ALDH1A2: variants seen among roughly 807,000 people sequenced by gnomAD.
The protein encoded by ALDH1A2 is retinal dehydrogenase 2.
ALDH1A2 carries 27 observed loss-of-function variants against 60.3 expected under a neutral mutation model. That is an observed-to-expected ratio of 0.45 (90% CI 0.33 to 0.62). ALDH1A2 has a LOEUF of 0.62. ALDH1A2 is among the 20% of genes least tolerant of loss of function. The probability of loss-of-function intolerance (pLI) is 0.02; values close to 1 mark genes in which losing one functional copy is unlikely to be tolerated. For missense variants in ALDH1A2, 581 were observed against 643.8 expected, an observed-to-expected ratio of 0.90 and a Z score of 1.06; for synonymous variants, 289 against 232.4, an observed-to-expected ratio of 1.24 and a Z score of -2.21.
intron 7 of ALDH1A2, among the ~76,000 whole-genome samples, chr15:57,969,551 T>C: frequency 6.6e-6 from 1 of 152,108 alleles, no homozygotes; most frequent in Middle Eastern, 3.2e-3. Flanking sequence ...GACCAGAAGG[T>C]GGGAGTGCAC....
At chr15:58,011,444 A>G (rs1474286678) in intron 3 of ALDH1A2, among the ~76,000 whole-genome samples, 1 of 152,244 alleles carries the variant, frequency 6.6e-6, no homozygotes, top group African/African-American at 2.4e-5. Context: ...TATTTTAACG[A>G]CATGTTCCTG....
At chr15:58,031,938 T>C (rs1220946938) in intron 1 of ALDH1A2, among the ~76,000 whole-genome samples, 1 of 152,154 alleles carries the variant, frequency 6.6e-6, no homozygotes, top group African/African-American at 2.4e-5. Context: ...ATTGTGGAAG[T>C]CAGCGTGGCG....
chr15:57,965,471 C>A (rs149791747), intron 8 of ALDH1A2, among the ~76,000 whole-genome samples: 3 of 152,196 alleles, frequency 2.0e-5, no homozygotes, highest in Non-Finnish European at 4.4e-5. Flanking sequence ...ACTGACCAAG[C>A]CTTCATCTCA....
intron 9 of ALDH1A2, 100 bp from the exon 10 acceptor site, chr15:57,962,276 T>A (rs1236339325): frequency 1.1e-5 from 16 of 1,419,470 alleles, no homozygotes; most frequent in African/African-American, 9.9e-5. Context: ...TTTTTCAAAG[T>A]TTAACTACAC....
chr15:57,979,327 T>C (rs2140472247), intron 7 of ALDH1A2, among the ~76,000 whole-genome samples: 1 of 152,322 alleles, frequency 6.6e-6, no homozygotes, highest in South Asian at 2.1e-4. Flanking sequence ...CCTGAAACTT[T>C]TGCGGGTATA....
At chr15:57,965,659 G>T in intron 8 of ALDH1A2, 66 bp downstream of exon 8, 1 of 1,136,788 alleles carries the variant, frequency 8.8e-7, no homozygotes, top group Non-Finnish European at 1.3e-6. Context: ...CATCAAAAGT[G>T]GAGATATAAA....
chr15:58,042,578 T>C (rs1449731936), intron 1 of ALDH1A2, among the ~76,000 whole-genome samples: 1 of 151,984 alleles, frequency 6.6e-6, no homozygotes, highest in African/African-American at 2.4e-5. Flanking sequence ...CTTGAAATCC[T>C]AGAATCACTT....
chr15:57,955,942 CTCT>C (rs1463689606), intron 12 of ALDH1A2, among the ~76,000 whole-genome samples: 2 of 152,082 alleles, frequency 1.3e-5, no homozygotes, highest in Admixed American at 6.6e-5. Context: ...TCTTTTTCTT[CTCT>C]TCTTCTGAAA....
rs111238576 is a variant in ALDH1A2 at position 58,013,246 on chromosome 15, T to C, written c.363+612A>G. On this transcript the variant is annotated intron_variant, in intron 3 of 12. Coordinates refer to ENST00000249750, the MANE Select transcript of ALDH1A2 (RefSeq NM_003888.4). ...TTAACTCTGGGGAGGTAAAAACTTG[T>C]TCTATTTCATTCTCATAAGAATCAT... is the stretch of plus-strand genomic sequence containing the variant. 5.9e-5 allele frequency among the ~76,000 whole-genome samples: 9 copies of C among 152,296 alleles called. 1 individual carries two copies. The highest frequency in any genetic ancestry group is 2.2e-4 in the African/African-American group (9 of 41,586).
chr15:57,996,878 A>G (rs943758599), intron 4 of ALDH1A2, among the ~76,000 whole-genome samples: 9 of 152,008 alleles, frequency 5.9e-5, no homozygotes, highest in African/African-American at 1.7e-4. Context: ...GTTTTGATTT[A>G]TGTTTAATGA....
At chr15:58,023,140 A>AT (rs570542877) in intron 1 of ALDH1A2, among the ~76,000 whole-genome samples, 15 of 152,050 alleles carry the variant, frequency 9.9e-5, no homozygotes, top group East Asian at 7.7e-4. Context: ...AAAGAGATAA[A>AT]TTTTTTTTTA....
chr15:57,977,667 T>C (rs1282716198), intron 7 of ALDH1A2, among the ~76,000 whole-genome samples: 1 of 152,252 alleles, frequency 6.6e-6, no homozygotes, highest in African/African-American at 2.4e-5. Context: ...AGCTTTGTTC[T>C]TTTTGCTTAG....
chr15:58,037,471 A>G (rs1181861561), intron 1 of ALDH1A2, among the ~76,000 whole-genome samples: 1 of 151,714 alleles, frequency 6.6e-6, no homozygotes, highest in Non-Finnish European at 1.5e-5. Flanking sequence ...TTAGGCATTC[A>G]ATACTTAAAC....
intron 4 of ALDH1A2, among the ~76,000 whole-genome samples, chr15:57,996,764 A>G (rs765262865): frequency 1.2e-4 from 18 of 152,048 alleles, no homozygotes; most frequent in Non-Finnish European, 2.1e-4. Flanking sequence ...GAAAAGTTTA[A>G]CAATTCATAA....
chr15:58,016,066 TC>T (rs1895779922), intron 1 of ALDH1A2, among the ~76,000 whole-genome samples: 1 of 152,106 alleles, frequency 6.6e-6, no homozygotes, highest in South Asian at 2.1e-4. Flanking sequence ...CATGTCCCTA[TC>T]CTTTTATTCA....
At chr15:58,057,661 T>G (rs930429557) in intron 1 of ALDH1A2, among the ~76,000 whole-genome samples, 1 of 152,172 alleles carries the variant, frequency 6.6e-6, no homozygotes, top group Non-Finnish European at 1.5e-5. Context: ...ATCTTCTGAA[T>G]CCTCATTCAT....
In ALDH1A2 at chr15:58,013,863, G is replaced by C. The variant is rs1216607378; in HGVS notation, c.358C>G (p.Leu120Val). Residue 120 changes from leucine to valine, a missense_variant, in exon 3 of 13, where the codon CTT (leucine) becomes GTT (valine). By Grantham distance (32) the Leu-to-Val change is conservative. This residue lies in a region of ALDH1A2 where 206 missense variants were observed against 174.1 expected (regional missense o/e 1.18). Coordinates refer to ENST00000249750, the MANE Select transcript of ALDH1A2 (RefSeq NM_003888.4). Reference sequence around the variant, plus strand: ...TGTTTTCTTAGGTTACTTACTGCAAGAACTGCCCTGTCCCGTTCCACCAAG... The same window carrying C: ...TGTTTTCTTAGGTTACTTACTGCAACAACTGCCCTGTCCCGTTCCACCAAG... Reference protein sequence around the residue: ...ADLVERDRAVLATMESLNGGK... With the variant: ...ADLVERDRAVVATMESLNGGK... The C allele has an allele frequency of 5.6e-6, 9 of 1,614,178 alleles. No homozygotes were observed. Among genetic ancestry groups the C allele is most frequent in the Admixed American group, 1.7e-5 (1 of 60,028 alleles).
intron 8 of ALDH1A2, among the ~76,000 whole-genome samples, chr15:57,965,108 G>GACA (rs1893852014): frequency 1.3e-5 from 2 of 152,236 alleles, no homozygotes; most frequent in East Asian, 3.9e-4. Flanking sequence ...AATGGCCTAG[G>GACA]TGGCATCCTT....
chr15:58,033,831 A>C (rs1896308154), intron 1 of ALDH1A2, among the ~76,000 whole-genome samples: 1 of 142,974 alleles, frequency 7.0e-6, no homozygotes, highest in African/African-American at 2.6e-5. Flanking sequence ...TCTCTTCTCT[A>C]TTTCACTTAT....
Sources: allele counts gnomAD v4.1 joint callset (sites outside exome capture counted in the v4.1 genomes callset), GRCh38; gene constraint gnomAD v4.1.1; regional missense constraint gnomAD v4.1.1; transcripts MANE v1.5; gene names NCBI Gene and HGNC (gene_info 2026-07-23, HGNC 2026-07-21).